RBFOX1: variants seen among roughly 807,000 people sequenced by gnomAD.
RBFOX1 encodes RNA binding protein fox-1 homolog 1.
In RBFOX1, 8 loss-of-function variants were observed where a neutral mutation model predicts 57.7. The ratio of observed to expected loss-of-function variants is 0.14; its 90% confidence interval spans 0.08 to 0.25. The LOEUF (loss-of-function observed/expected upper bound fraction) is 0.25, where lower values mean the gene tolerates loss of function less well. Ranked by LOEUF, RBFOX1 falls within the 10% of genes least tolerant of loss-of-function variation. The pLI is 1.00. For synonymous variants in RBFOX1, 326 were observed against 222.4 expected (o/e 1.47, Z -4.15); for missense variants, 611 against 548.5 (o/e 1.11, Z -1.14).
intron 1 of RBFOX1, among the ~76,000 whole-genome samples, chr16:6,165,645 C>G (rs760097820): frequency 6.6e-6 from 1 of 152,178 alleles, no homozygotes. Context: ...CTGCCTGCTT[C>G]GTTTGAATTT....
At chr16:5,239,988 G>A (rs1477866205) in exon 1 of RBFOX1, 2 of 1,530,382 alleles carry the variant, frequency 1.3e-6, no homozygotes, top group Non-Finnish European at 1.7e-6. Context: ...AAGAGAAGAG[G>A]CTGCGGCTGG....
At chr16:7,400,851 A>G (rs998315079) in intron 4 of RBFOX1, among the ~76,000 whole-genome samples, 1 of 152,170 alleles carries the variant, frequency 6.6e-6, no homozygotes, top group African/African-American at 2.4e-5. Context: ...CCATTAAGTG[A>G]TATTTAGGGG....
intron 4 of RBFOX1, among the ~76,000 whole-genome samples, chr16:7,249,684 T>C (rs868023904): frequency 4.7e-4 from 72 of 152,256 alleles, no homozygotes; most frequent in African/African-American, 1.5e-3. Flanking sequence ...TTTTATGTAT[T>C]TTTTATTTTT....
At chr16:7,463,675 G>T (rs1469366704) in intron 4 of RBFOX1, among the ~76,000 whole-genome samples, 1 of 152,160 alleles carries the variant, frequency 6.6e-6, no homozygotes, top group African/African-American at 2.4e-5. Context: ...CCTTTGCCAT[G>T]TAAGGTAACA....
intron 4 of RBFOX1, among the ~76,000 whole-genome samples, chr16:5,913,698 G>GT (rs1245736070): frequency 2.0e-5 from 3 of 152,178 alleles, no homozygotes; most frequent in Non-Finnish European, 4.4e-5. Context: ...TAACACAGGT[G>GT]TATCACCAGA....
At chr16:5,702,862 A>G (rs947543892) in intron 3 of RBFOX1, among the ~76,000 whole-genome samples, 1 of 152,182 alleles carries the variant, frequency 6.6e-6, no homozygotes, top group Non-Finnish European at 1.5e-5. Flanking sequence ...CTATGCCCAT[A>G]TGAAAGGTCT....
intron 1 of RBFOX1, among the ~76,000 whole-genome samples, chr16:6,023,951 C>G (rs896340944): frequency 6.6e-6 from 1 of 152,160 alleles, no homozygotes; most frequent in Admixed American, 6.5e-5. Context: ...ACAAGGGGAT[C>G]TAGCACTTTC....
At chr16:7,229,591 G>A (rs555903072) in intron 4 of RBFOX1, among the ~76,000 whole-genome samples, 1 of 129,550 alleles carries the variant, frequency 7.7e-6, no homozygotes, top group Non-Finnish European at 1.6e-5. Context: ...AAGGGAGAGA[G>A]AGGAAGGAAG....
At chr16:6,785,360 G>A (rs1376756232) in intron 3 of RBFOX1, among the ~76,000 whole-genome samples, 1 of 152,180 alleles carries the variant, frequency 6.6e-6, no homozygotes, top group Non-Finnish European at 1.5e-5. Flanking sequence ...GTTGCCCTGT[G>A]TATAGAGCTT....
chr16:6,549,889 A>G (rs143745298), intron 2 of RBFOX1, among the ~76,000 whole-genome samples: 157 of 152,290 alleles, frequency 1.0e-3, no homozygotes, highest in African/African-American at 3.5e-3. Flanking sequence ...ATGGACCCTT[A>G]CGTACTTTGA....
At chr16:5,270,046 G>T (rs561228289) in intron 1 of RBFOX1, 11 of 176,766 alleles carry the variant, frequency 6.2e-5, no homozygotes, top group African/African-American at 9.5e-5. Flanking sequence ...TGTGATCCCA[G>T]CACTTTGGGA....
chr16:6,859,133 ATATATACGTATATATATATG>A (rs2058477454), intron 3 of RBFOX1, among the ~76,000 whole-genome samples: 6 of 103,488 alleles, frequency 5.8e-5, no homozygotes, highest in African/African-American at 8.7e-5. Flanking sequence ...ATATATACAT[ATATATACGTATATATATATG>A]TATATATATA....
intron 2 of RBFOX1, among the ~76,000 whole-genome samples, chr16:6,620,185 T>A (rs2098207591): frequency 6.6e-6 from 1 of 152,128 alleles, no homozygotes; most frequent in African/African-American, 2.4e-5. Flanking sequence ...TCAAAATCAG[T>A]CAGAATTCAC....
intron 4 of RBFOX1, among the ~76,000 whole-genome samples, chr16:7,113,305 T>C (rs571307506): frequency 2.4e-4 from 37 of 152,326 alleles, no homozygotes; most frequent in Non-Finnish European, 4.9e-4. Flanking sequence ...TAGTTTTTTA[T>C]CTTTTTTTGG....
chr16:6,237,757 A>T (rs188516983), intron 1 of RBFOX1, among the ~76,000 whole-genome samples: 208 of 152,130 alleles, frequency 1.4e-3, no homozygotes, highest in African/African-American at 4.7e-3. Flanking sequence ...AAAACAAAAT[A>T]AAATTAAAAT....
chr16:7,141,475 C>T (rs1018850233), intron 4 of RBFOX1, among the ~76,000 whole-genome samples: 30 of 152,128 alleles, frequency 2.0e-4, no homozygotes, highest in African/African-American at 7.0e-4. Flanking sequence ...AAATGCGCAG[C>T]AGTCAATGAG....
chr16:6,532,770 C>G (rs542550009), intron 2 of RBFOX1, among the ~76,000 whole-genome samples: 1 of 152,126 alleles, frequency 6.6e-6, no homozygotes, highest in African/African-American at 2.4e-5. Context: ...GGGCATTTAC[C>G]GTCCCCACTC....
rs557346788 is a variant in RBFOX1 at position 6,076,168 on chromosome 16, C to T, written c.-127+56176C>T. Among the ~76,000 whole-genome samples, 4 of 151,996 alleles carry T rather than the reference C, an allele frequency of 2.6e-5. No individual in the cohort carries two copies. In the South Asian group the frequency reaches 8.3e-4, roughly 32 times the overall value. On this transcript the variant is annotated intron_variant, in intron 1 of 15. Coordinates refer to ENST00000550418, the MANE Select transcript of RBFOX1 (RefSeq NM_018723.4). ...ACAAAATTAGCCAGGTGTGGTGGTGCATGCTCTATCATCCCAGCTACTCGG... is the reference window on the plus strand; with the variant it reads ...ACAAAATTAGCCAGGTGTGGTGGTGTATGCTCTATCATCCCAGCTACTCGG...
chr16:6,905,609 G>A lies in RBFOX1; in HGVS notation c.-15-146448G>A, dbSNP rs141242281. ...CCCCTTCAAATCATCTAGCTAGTAG[G>A]TTGGACTTTGTGTTTATTCCAATTT... On this transcript the variant is annotated intron_variant, in intron 3 of 15. Transcript: ENST00000550418. Among the ~76,000 whole-genome samples, 11 of 151,834 alleles carry A rather than the reference G, an allele frequency of 7.2e-5. No homozygotes were observed. In the East Asian group the frequency reaches 1.9e-3, roughly 27 times the overall value.
Sources: gnomAD v4.1 joint callset for allele counts (sites outside exome capture counted in the v4.1 genomes callset) on GRCh38, gnomAD v4.1.1 for gene constraint, MANE v1.5 for transcripts, NCBI Gene and HGNC (gene_info 2026-07-23, HGNC 2026-07-21) for gene names.